AGBL1: variants seen among roughly 807,000 people sequenced by gnomAD.
AGBL1 encodes AGBL carboxypeptidase 1, also known as cytosolic carboxypeptidase 4.
Under a neutral mutation model 118.9 loss-of-function variants are expected in AGBL1, and 130 were observed. The observed-to-expected ratio is 1.09, with a 90% CI of 0.95 to 1.26. AGBL1 has a LOEUF of 1.26. AGBL1 is among the 50% of genes most tolerant of loss of function. The pLI is 0.00. For missense variants in AGBL1, 1,584 were observed against 1,298.1 expected (o/e 1.22, Z -3.38); for synonymous variants, 555 against 478.9 (o/e 1.16, Z -2.08).
intron 1 of AGBL1, among the ~76,000 whole-genome samples, chr15:86,113,232 C>CTTTTCTTTTCTTTTA (rs1897519343): frequency 1.1e-5 from 1 of 88,800 alleles, no homozygotes; most frequent in Non-Finnish European, 2.1e-5. Flanking sequence ...CTTTTCTTTT[C>CTTTTCTTTTCTTTTA]TTTTCTTTTC....
At chr15:86,353,609 T>A (rs1011230204) in intron 17 of AGBL1, among the ~76,000 whole-genome samples, 5 of 152,158 alleles carry the variant, frequency 3.3e-5, no homozygotes, top group African/African-American at 1.2e-4. Flanking sequence ...TATGATAAAA[T>A]CATTTGAAGA....
At chr15:86,539,086 A>G (rs973666741) in intron 19 of AGBL1, among the ~76,000 whole-genome samples, 1 of 103,666 alleles carries the variant, frequency 9.6e-6, no homozygotes, top group African/African-American at 4.3e-5. Context: ...GCATAATCCA[A>G]TCCATACCTT....
At chr15:86,976,767 G>A (rs750472531) in intron 23 of AGBL1, among the ~76,000 whole-genome samples, 1 of 151,788 alleles carries the variant, frequency 6.6e-6, no homozygotes, top group Admixed American at 6.6e-5. Context: ...TACAAAAAGA[G>A]TGGAATTTAT....
Position 86,914,002 on chromosome 15 carries a change from C to T in AGBL1, c.*6708C>T, listed in dbSNP as rs1213757049. The T allele has an allele frequency of 2.0e-5, 3 of 152,184 alleles. No individual in the cohort carries two copies. Among genetic ancestry groups the T allele is most frequent in the African/African-American group, 7.2e-5 (3 of 41,440 alleles). 9.4% of individuals were successfully genotyped at this position (152,184 alleles called of 1,614,324 possible). ...CTTGGTATCAGACAAGTATTATGAC[C>T]AGCTCCTGGCAAAATAAGTAACACT... On this transcript the variant is annotated 3_prime_UTR_variant, in exon 23 of 23. Coordinates refer to ENST00000614907, the MANE Select transcript of AGBL1 (RefSeq NM_001386094.1).
chr15:87,022,748 A>G (rs2081678881), intron 24 of AGBL1, among the ~76,000 whole-genome samples: 1 of 152,126 alleles, frequency 6.6e-6, no homozygotes, highest in Non-Finnish European at 1.5e-5. Flanking sequence ...CTATCAGATT[A>G]ACAGCAGATT....
intron 22 of AGBL1, among the ~76,000 whole-genome samples, chr15:86,899,401 A>C (rs1289614354): frequency 6.6e-6 from 1 of 152,116 alleles, no homozygotes; most frequent in Non-Finnish European, 1.5e-5. Context: ...GGTGGGGAGG[A>C]GGGAGAGGAG....
intron 18 of AGBL1, among the ~76,000 whole-genome samples, chr15:86,472,842 C>G (rs2082496988): frequency 6.6e-6 from 1 of 152,046 alleles, no homozygotes. Context: ...TTGCTTGAGC[C>G]CAAAAGGCAA....
intron 17 of AGBL1, among the ~76,000 whole-genome samples, chr15:86,379,398 T>C (rs1008334687): frequency 5.9e-5 from 9 of 152,200 alleles, no homozygotes; most frequent in Non-Finnish European, 1.2e-4. Flanking sequence ...GAAAACTTTT[T>C]AAAGTCAAAT....
At chr15:86,360,484 A>C (rs928195293) in intron 17 of AGBL1, among the ~76,000 whole-genome samples, 9 of 151,868 alleles carry the variant, frequency 5.9e-5, no homozygotes, top group Non-Finnish European at 1.0e-4. Context: ...ATCTATGTTC[A>C]TCAGGGATGT....
chr15:86,245,452 C>A (rs1248765018), intron 6 of AGBL1, among the ~76,000 whole-genome samples: 1 of 152,170 alleles, frequency 6.6e-6, no homozygotes, highest in Non-Finnish European at 1.5e-5. Context: ...GACTGAGAGT[C>A]AGCAGGTTAG....
rs543800291 is a variant in AGBL1, at chr15:86,783,206, G to C, written c.3158+108770G>C. Among the ~76,000 whole-genome samples the C allele has an allele frequency of 5.3e-5, 8 of 152,226 alleles. No homozygotes were observed. The South Asian group carries it at 1.5e-3, about 28-fold the overall frequency. ...TCCCCGGTACTGCCTTTCCCTTCTT[G>C]TTAATCCATTTAGATGCATGTTTAT... is the stretch of plus-strand genomic sequence containing the variant. On this transcript the variant is annotated intron_variant, in intron 22 of 22. Coordinates refer to ENST00000614907, the MANE Select transcript of AGBL1 (RefSeq NM_001386094.1).
intron 22 of AGBL1, among the ~76,000 whole-genome samples, chr15:86,712,263 T>G (rs987843148): frequency 1.3e-5 from 2 of 152,190 alleles, no homozygotes; most frequent in East Asian, 3.9e-4. Flanking sequence ...AATAAAGATG[T>G]CCCAGCCTCG....
At chr15:86,110,931 C>T (rs542874540) in intron 1 of AGBL1, among the ~76,000 whole-genome samples, 1 of 152,304 alleles carries the variant, frequency 6.6e-6, no homozygotes, top group East Asian at 1.9e-4. Context: ...TTTCCCAATA[C>T]AGCCAAGCTA....
chr15:86,781,129 C>G (rs1265259361), intron 22 of AGBL1, among the ~76,000 whole-genome samples: 1 of 151,920 alleles, frequency 6.6e-6, no homozygotes, highest in Non-Finnish European at 1.5e-5. Context: ...GTTCATTTCT[C>G]TTTGAAATAA....
intron 5 of AGBL1, among the ~76,000 whole-genome samples, chr15:86,189,421 A>G (rs1298826143): frequency 6.6e-6 from 1 of 152,178 alleles, no homozygotes; most frequent in Non-Finnish European, 1.5e-5. Flanking sequence ...TTATAGTTTG[A>G]TATTTGACCC....
chr15:86,183,550 AC>A (rs2141802402), intron 5 of AGBL1, among the ~76,000 whole-genome samples: 1 of 152,296 alleles, frequency 6.6e-6, no homozygotes, highest in Non-Finnish European at 1.5e-5. Context: ...AAATTTAAAA[AC>A]AGAAATGACT....
At position 86,749,343 on chromosome 15, in the gene AGBL1, G is replaced by T. The variant is rs191785809; in HGVS notation, c.3158+74907G>T. Among the ~76,000 whole-genome samples the T allele has an allele frequency of 4.1e-3, 628 of 152,130 alleles. 5 individuals carry two copies. Among genetic ancestry groups the T allele is most frequent in the African/African-American group, 0.015 (609 of 41,522 alleles). ...TATTGGCGTATAAGAATGCTGGTGA[G>T]TTTTGCACATTGATTTTGTATCCTG... On this transcript the variant is annotated intron_variant, in intron 22 of 22. Transcript: ENST00000614907.
chr15:86,581,764 G>A (rs1463057451), intron 21 of AGBL1, among the ~76,000 whole-genome samples: 1 of 151,782 alleles, frequency 6.6e-6, no homozygotes, highest in Non-Finnish European at 1.5e-5. Context: ...GCTCAACATA[G>A]GTACAAAAAT....
chr15:86,746,262 C>A (rs947349515), intron 22 of AGBL1, among the ~76,000 whole-genome samples: 1 of 152,098 alleles, frequency 6.6e-6, no homozygotes, highest in African/African-American at 2.4e-5. Context: ...ATGGTTGTTT[C>A]TTGTTCTGTA....
Sources: gnomAD v4.1 joint callset for allele counts (sites outside exome capture counted in the v4.1 genomes callset) on GRCh38, gnomAD v4.1.1 for gene constraint, MANE v1.5 for transcripts, NCBI Gene and HGNC (gene_info 2026-07-23, HGNC 2026-07-21) for gene names.